Variants in GLG1 observed in about 807,000 individuals in gnomAD.
The protein encoded by GLG1 is golgi glycoprotein 1, also known as Golgi apparatus protein 1.
Under a neutral mutation model 160.5 loss-of-function variants are expected in GLG1, and 38 were observed. That is an observed-to-expected ratio of 0.24 (90% CI 0.18 to 0.31). The LOEUF is 0.31. Ranked by LOEUF, GLG1 falls within the 10% of genes least tolerant of loss-of-function variation. GLG1 has a pLI of 1.00. For missense variants in GLG1, 1,373 were observed against 1,505.2 expected (o/e 0.91, Z 1.45); for synonymous variants, 644 against 543.4 (o/e 1.19, Z -2.57).
intron 1 of GLG1, among the ~76,000 whole-genome samples, chr16:74,602,349 T>C (rs750437499): frequency 6.6e-6 from 1 of 152,182 alleles, no homozygotes; most frequent in Non-Finnish European, 1.5e-5. Context: ...AGAAAGATTA[T>C]ACATTTAAAT....
At chr16:74,602,824 G>C (rs1958472710) in intron 1 of GLG1, among the ~76,000 whole-genome samples, 1 of 151,270 alleles carries the variant, frequency 6.6e-6, no homozygotes, top group Non-Finnish European at 1.5e-5. Flanking sequence ...GCTGGGTGAT[G>C]TATACCCAGG....
chr16:74,607,063 A>T lies in GLG1; in HGVS notation c.32T>A (p.Phe11Tyr). 6.3e-7 allele frequency: 1 copy of T among 1,583,898 alleles called. No homozygotes were observed. The highest frequency in any genetic ancestry group is 8.6e-7 in the Non-Finnish European group (1 of 1,168,106). MAACGRVRRMFRLSAALHLLL... is the reference protein window; with the variant it reads MAACGRVRRMYRLSAALHLLL... ...CAGATGCAGCGCCGCCGACAAGCGG[A>T]ACATCCTCCGTACACGTCCACACGC... Residue 11 changes from phenylalanine to tyrosine, a missense_variant, in exon 1 of 26, where the codon TTC becomes TAC. By Grantham distance (22) the Phe-to-Tyr change is conservative. Around this residue, in one of 4 missense-constraint regions of GLG1, gnomAD observed 322 missense variants for 254.6 expected, o/e 1.26. Transcript: ENST00000422840.
At chr16:74,489,500 AC>A (rs1422694579) in intron 8 of GLG1, among the ~76,000 whole-genome samples, 1 of 151,290 alleles carries the variant, frequency 6.6e-6, no homozygotes, top group Non-Finnish European at 1.5e-5. Context: ...TTCATTCCTA[AC>A]CCCCGCCACA....
chr16:74,565,559 G>A (rs2018632117), intron 1 of GLG1, among the ~76,000 whole-genome samples: 1 of 152,166 alleles, frequency 6.6e-6, no homozygotes, highest in Non-Finnish European at 1.5e-5. Context: ...ACCGCCAACT[G>A]CTTAAACTGT....
At position 74,456,717 on chromosome 16, in the gene GLG1, C is replaced by T. The variant is rs1215648714; in HGVS notation, c.3304G>A (p.Val1102Met). 2 of 1,611,720 alleles carry T rather than the reference C, an allele frequency of 1.2e-6. No homozygotes were observed. Among genetic ancestry groups the T allele is most frequent in the Admixed American group, 1.7e-5 (1 of 59,662 alleles). Residue 1102 changes from valine (V) to methionine (M), a missense_variant, in exon 25 of 26, where the codon GTG (valine) becomes ATG (methionine). Coordinates refer to ENST00000422840, the MANE Select transcript of GLG1 (RefSeq NM_001145667.2). The stretch of plus-strand genomic sequence containing the variant: ...TTTTTGCACTCGGGCTGTAACCTCA[C>T]CCGCTTATCCTCCAGTGCTTCCATG... ...CLMEALEDKR[V>M]RLQPECKKRL...
Position 74,474,616 on chromosome 16 carries a change from T to C in GLG1, c.1982A>G (p.Gln661Arg). The C allele has an allele frequency of 1.9e-6, 3 of 1,555,564 alleles. No homozygotes were observed. The highest frequency in any genetic ancestry group is 2.7e-6 in the Non-Finnish European group (3 of 1,126,418). Residue 661 changes from glutamine (Q) to arginine (R), a missense_variant, in exon 13 of 26, where the codon CAG becomes CGG. By Grantham distance (43) the Gln-to-Arg change is conservative (BLOSUM62 1). Around this residue, in one of 4 missense-constraint regions of GLG1, gnomAD observed 386 missense variants for 388.5 expected, o/e 0.99. Transcript: ENST00000422840. Reference sequence around the variant, plus strand: ...CACCACCAAGTCATCCAGATGGTCCTGAAGGCACTCCAGCTCCTGCAAATA... The same window carrying C: ...CACCACCAAGTCATCCAGATGGTCCCGAAGGCACTCCAGCTCCTGCAAATA... ...TETGQELECL[Q>R]DHLDDLVVEC...
In GLG1 at chr16:74,477,424, C is replaced by A; in HGVS notation, c.1937G>T (p.Trp646Leu). Reference protein sequence around the residue: ...QDKCLIDLGKWCSEKTETGQE... With the variant: ...QDKCLIDLGKLCSEKTETGQE... ...TCCAGTCTCTGTTTTCTCACTGCAC[C>A]ATTTTCCCAGATCAATCAGGCACTT... is the stretch of plus-strand genomic sequence containing the variant. Residue 646 changes from tryptophan (W) to leucine (L), a missense_variant, in exon 12 of 26, where the codon TGG becomes TTG. Coordinates refer to ENST00000422840, the MANE Select transcript of GLG1 (RefSeq NM_001145667.2). 1 of 1,612,870 alleles carries A rather than the reference C, an allele frequency of 6.2e-7. No homozygotes were observed. Among genetic ancestry groups the A allele is most frequent in the Non-Finnish European group, 8.5e-7 (1 of 1,178,878 alleles).
intron 1 of GLG1, among the ~76,000 whole-genome samples, chr16:74,541,167 T>C (rs1339984178): frequency 6.6e-6 from 1 of 151,714 alleles, no homozygotes; most frequent in Non-Finnish European, 1.5e-5. Flanking sequence ...CTACTAAAAA[T>C]ACAAAGATTA....
At chr16:74,601,347 A>G (rs1488315994) in intron 1 of GLG1, among the ~76,000 whole-genome samples, 2 of 151,886 alleles carry the variant, frequency 1.3e-5, no homozygotes, top group East Asian at 3.9e-4. Flanking sequence ...CGGGAGGCAG[A>G]GGAGGGTGGG....
At chr16:74,545,212 G>A (rs1350841243) in intron 1 of GLG1, among the ~76,000 whole-genome samples, 3 of 149,576 alleles carry the variant, frequency 2.0e-5, no homozygotes, top group South Asian at 2.1e-4. Flanking sequence ...ACAGGGTCTC[G>A]CTCTGTCACC....
intron 1 of GLG1, among the ~76,000 whole-genome samples, chr16:74,542,774 G>GAAGGAAGGAAGGAAGGAAGGA (rs1567514196): frequency 7.0e-5 from 10 of 143,636 alleles, no homozygotes; most frequent in South Asian, 2.3e-4. Flanking sequence ...AGGAAGGAAG[G>GAAGGAAGGAAGGAAGGAAGGA]AAGGAAGGAA....
At chr16:74,532,868 G>A (rs1199624006) in intron 1 of GLG1, among the ~76,000 whole-genome samples, 1 of 152,040 alleles carries the variant, frequency 6.6e-6, no homozygotes, top group Non-Finnish European at 1.5e-5. Context: ...TGCTATTGGG[G>A]GAAGCTATGT....
intron 23 of GLG1, 27 bp from the exon 24 acceptor site, chr16:74,458,021 G>A: frequency 6.2e-7 from 1 of 1,611,412 alleles, no homozygotes; most frequent in Non-Finnish European, 8.5e-7. Flanking sequence ...ATTGCAGACA[G>A]AGCTTTTGAA....
At chr16:74,484,732 C>G (rs1597252809) in intron 9 of GLG1, among the ~76,000 whole-genome samples, 1 of 152,242 alleles carries the variant, frequency 6.6e-6, no homozygotes, top group African/African-American at 2.4e-5. Context: ...CGCCACTGTA[C>G]TCCAGCCTGG....
rs1223951687 is a variant in GLG1 at position 74,480,335 on chromosome 16, T to C, written c.1733A>G (p.His578Arg). The change falls in exon 11 of 26, where the codon CAC becomes CGC. Residue 578 changes from histidine to arginine, a missense_variant. This residue lies in a region of GLG1 where 386 missense variants were observed against 388.5 expected (regional missense o/e 0.99). Coordinates refer to ENST00000422840, the MANE Select transcript of GLG1 (RefSeq NM_001145667.2). ...QGDASRLCHTHGWNETSEFMP... is the reference protein window; with the variant it reads ...QGDASRLCHTRGWNETSEFMP... ...AAATTCACTGGTCTCATTCCAACCG[T>C]GGGTGTGGCAAAGACGAGAAGCGTC... 1.2e-6 allele frequency: 2 copies of C among 1,613,236 alleles called. No homozygotes were observed. The highest frequency in any genetic ancestry group is 1.7e-5 in the Admixed American group (1 of 60,000).
At chr16:74,589,712 C>T (rs116880038) in intron 1 of GLG1, among the ~76,000 whole-genome samples, 2,210 of 152,258 alleles carry the variant, frequency 0.015, 16 homozygotes, top group Middle Eastern at 0.037. Context: ...CTGACTTCTG[C>T]TTTCAGTGCT....
chr16:74,551,529 G>A, intron 1 of GLG1, among the ~76,000 whole-genome samples: 1 of 146,730 alleles, frequency 6.8e-6, no homozygotes, highest in Non-Finnish European at 1.5e-5. Context: ...TGTTGGCCAT[G>A]CTGGTCTCGA....
chr16:74,531,793 AAAG>A (rs1180604092), intron 2 of GLG1, among the ~76,000 whole-genome samples: 1 of 152,230 alleles, frequency 6.6e-6, no homozygotes, highest in Non-Finnish European at 1.5e-5. Context: ...CGTTTGGCAA[AAAG>A]AAGATGACTG....
intron 1 of GLG1, among the ~76,000 whole-genome samples, chr16:74,602,246 A>G (rs1958454287): frequency 6.6e-6 from 1 of 152,212 alleles, no homozygotes. Flanking sequence ...GAGCATGGCT[A>G]CAAATTTATA....
Sources: gnomAD v4.1 joint callset for allele counts (sites outside exome capture counted in the v4.1 genomes callset) on GRCh38, gnomAD v4.1.1 for gene constraint, gnomAD v4.1.1 regional missense constraint, MANE v1.5 for transcripts, NCBI Gene and HGNC (gene_info 2026-07-23, HGNC 2026-07-21) for gene names.